RAD51B: variants seen among roughly 807,000 people sequenced by gnomAD.
RAD51B encodes RAD51 paralog B.
A neutral mutation model predicts 42.2 loss-of-function variants in RAD51B; 38 were observed. The ratio of observed to expected loss-of-function variants is 0.90; its 90% confidence interval spans 0.70 to 1.18. RAD51B has a LOEUF of 1.18. Among genes scored for constraint, RAD51B ranks in the 50% most tolerant of loss-of-function variants. RAD51B has a pLI of 0.00. For synonymous variants in RAD51B, 154 were observed against 145.2 expected, an observed-to-expected ratio of 1.06 and a Z score of -0.43; for missense variants, 373 against 400.7, an observed-to-expected ratio of 0.93 and a Z score of 0.59.
intron 4 of RAD51B, among the ~76,000 whole-genome samples, chr14:67,846,401 G>C (rs968764220): frequency 1.2e-4 from 19 of 152,334 alleles, no homozygotes; most frequent in African/African-American, 4.6e-4. Context: ...CTGTGGCATA[G>C]TGGGATGCAT....
chr14:68,321,523 C>T (rs1302382535), intron 8 of RAD51B, among the ~76,000 whole-genome samples: 1 of 152,184 alleles, frequency 6.6e-6, no homozygotes, highest in African/African-American at 2.4e-5. Context: ...TGATGAGTCT[C>T]TGCTCTTAGC....
chr14:68,144,848 G>A (rs1442358626), intron 7 of RAD51B, among the ~76,000 whole-genome samples: 1 of 151,944 alleles, frequency 6.6e-6, no homozygotes, highest in Non-Finnish European at 1.5e-5. Context: ...TTTTTGATGG[G>A]ATCTTGTTTA....
rs529100939 is a variant in RAD51B at position 68,018,537 on chromosome 14, T to C, written c.756+131333T>C. Among the ~76,000 whole-genome samples, 411 of 152,342 alleles carry C rather than the reference T, an allele frequency of 2.7e-3. 1 individual carries two copies. Among genetic ancestry groups the C allele is most frequent in the South Asian group, 7.0e-3 (34 of 4,832 alleles). ...ACAAGGATTAGATTTTTTAAATTAA[T>C]TCTCTATATTTTTATGGGGGAGAAA... On this transcript the variant is annotated intron_variant, in intron 7 of 10. Coordinates refer to ENST00000471583, the MANE Select transcript of RAD51B (RefSeq NM_133510.4).
At chr14:68,596,846 C>T (rs977690353), downstream of RAD51B, among the ~76,000 whole-genome samples, 9 of 152,248 alleles carry the variant, frequency 5.9e-5, no homozygotes, top group African/African-American at 1.9e-4. Context: ...CCGTCAGGGG[C>T]AGACATTGGC....
intron 7 of RAD51B, among the ~76,000 whole-genome samples, chr14:67,962,663 A>G (rs2074694194): frequency 6.6e-6 from 1 of 152,166 alleles, no homozygotes; most frequent in Non-Finnish European, 1.5e-5. Flanking sequence ...AACCCAGAGA[A>G]TATAGTATCT....
chr14:67,873,061 A>C (rs920087612), intron 5 of RAD51B, among the ~76,000 whole-genome samples: 4 of 152,236 alleles, frequency 2.6e-5, no homozygotes, highest in African/African-American at 9.6e-5. Context: ...ACTTAAAGCA[A>C]TGGCAACAAA....
intron 7 of RAD51B, among the ~76,000 whole-genome samples, chr14:67,982,745 A>T (rs8006927): frequency 0.073 from 10,710 of 145,872 alleles, 1,174 homozygotes; most frequent in African/African-American, 0.24. Flanking sequence ...GTTTTTTTTT[A>T]AAACCAAATG....
chr14:68,456,748 A>G (rs113301102), intron 9 of RAD51B, among the ~76,000 whole-genome samples: 32,017 of 152,004 alleles, frequency 0.21, 3,549 homozygotes, highest in Non-Finnish European at 0.23. Flanking sequence ...AAAGGCATCT[A>G]TAGAACACTC....
intron 7 of RAD51B, among the ~76,000 whole-genome samples, chr14:68,180,579 G>A (rs1273320634): frequency 6.6e-6 from 1 of 152,008 alleles, no homozygotes; most frequent in African/African-American, 2.4e-5. Context: ...CGTCATTATC[G>A]CCACTTTACA....
intron 7 of RAD51B, among the ~76,000 whole-genome samples, chr14:67,998,327 A>G (rs2075422399): frequency 6.6e-6 from 1 of 152,226 alleles, no homozygotes; most frequent in Non-Finnish European, 1.5e-5. Context: ...TTTAAACTGA[A>G]CTAACATCAG....
chr14:68,022,373 G>C (rs1595271445), intron 7 of RAD51B, among the ~76,000 whole-genome samples: 1 of 152,152 alleles, frequency 6.6e-6, no homozygotes, highest in South Asian at 2.1e-4. Flanking sequence ...TTGCTATTGT[G>C]AATATCCTGG....
At chr14:68,549,548 T>C (rs1253594274) in intron 10 of RAD51B, among the ~76,000 whole-genome samples, 1 of 149,708 alleles carries the variant, frequency 6.7e-6, no homozygotes, top group Non-Finnish European at 1.5e-5. Context: ...CCCGTGTAGC[T>C]GGGACTACAG....
At chr14:68,308,904 T>C (rs2081918970) in intron 8 of RAD51B, among the ~76,000 whole-genome samples, 1 of 152,118 alleles carries the variant, frequency 6.6e-6, no homozygotes, top group African/African-American at 2.4e-5. Flanking sequence ...CAAATGTACT[T>C]TCTATTGGAA....
chr14:68,389,398 G>T (rs557933079), intron 8 of RAD51B, among the ~76,000 whole-genome samples: 1 of 151,914 alleles, frequency 6.6e-6, no homozygotes, highest in East Asian at 1.9e-4. Flanking sequence ...GTTCTCTTTG[G>T]TACTATTTTC....
At chr14:68,639,645 T>C (rs1483306179) in intron 10 of RAD51B, among the ~76,000 whole-genome samples, 1 of 152,036 alleles carries the variant, frequency 6.6e-6, no homozygotes, top group Non-Finnish European at 1.5e-5. Flanking sequence ...TAAGGCAGCT[T>C]GAGGGAACAG....
chr14:67,989,419 CTGAGG>C (rs2075250334), intron 7 of RAD51B, among the ~76,000 whole-genome samples: 1 of 151,926 alleles, frequency 6.6e-6, no homozygotes, highest in Admixed American at 6.6e-5. Context: ...GGTGGATCAC[CTGAGG>C]TCGGGAGTTC....
At chr14:68,047,598 C>T (rs1471916495) in intron 7 of RAD51B, among the ~76,000 whole-genome samples, 1 of 152,088 alleles carries the variant, frequency 6.6e-6, no homozygotes, top group African/African-American at 2.4e-5. Context: ...TCTTGGCCTG[C>T]TATTGTTTTC....
intron 10 of RAD51B, among the ~76,000 whole-genome samples, chr14:68,640,015 T>G (rs941124800): frequency 1.3e-5 from 2 of 152,130 alleles, no homozygotes; most frequent in Admixed American, 1.3e-4. Flanking sequence ...TTGGCCAGGC[T>G]GGTCTGGATC....
chr14:68,367,676 C>T lies in RAD51B; in HGVS notation c.854-43748C>T, dbSNP rs565728235. 2.6e-5 allele frequency among the ~76,000 whole-genome samples: 4 copies of T among 152,208 alleles called. No individual in the cohort carries two copies. The South Asian group carries it at 6.2e-4, about 24-fold the overall frequency. On this transcript the variant is annotated intron_variant, in intron 8 of 10. Coordinates refer to ENST00000471583, the MANE Select transcript of RAD51B (RefSeq NM_133510.4). ...AGAAGAGTATTCCAGGCGGAGGATACAACACTTGAAATAGTTACCCAGAAA... is the reference window on the plus strand; with the variant it reads ...AGAAGAGTATTCCAGGCGGAGGATATAACACTTGAAATAGTTACCCAGAAA...
Sources: gnomAD v4.1 joint callset for allele counts (sites outside exome capture counted in the v4.1 genomes callset) on GRCh38, gnomAD v4.1.1 for gene constraint, MANE v1.5 for transcripts, NCBI Gene and HGNC (gene_info 2026-07-23, HGNC 2026-07-21) for gene names.